PRRC2B: variants seen among roughly 807,000 people sequenced by gnomAD.
PRRC2B encodes the protein protein PRRC2B.
PRRC2B carries 68 observed loss-of-function variants against 242.3 expected under a neutral mutation model. The ratio of observed to expected loss-of-function variants is 0.28; its 90% CI spans 0.23 to 0.34. The LOEUF (loss-of-function observed/expected upper bound fraction) is 0.34, where lower values mean the gene tolerates loss of function less well. Among genes scored for constraint, PRRC2B ranks in the 10% least tolerant of loss-of-function variants. The probability of loss-of-function intolerance (pLI) is 1.00; values close to 1 mark genes in which losing one functional copy is unlikely to be tolerated. For synonymous variants in PRRC2B, 1,228 were observed against 1,173.6 expected (o/e 1.05, Z -0.95); for missense variants, 2,835 against 2,954.8 (o/e 0.96, Z 0.94).
chr9:131,422,117 T>A (rs1459859492), intron 1 of PRRC2B, among the ~76,000 whole-genome samples: 4 of 152,246 alleles, frequency 2.6e-5, no homozygotes, highest in African/African-American at 9.6e-5. Context: ...TGCAGTGGCA[T>A]GATCTTGGCT....
chr9:131,383,619 T>TG lies in PRRC2B; in HGVS notation c.-56+9889dup, dbSNP rs1491264499. Among the ~76,000 whole-genome samples, 6 of 139,920 alleles carry TG rather than the reference T, an allele frequency of 4.3e-5. No individual in the cohort carries two copies. In the East Asian group the frequency reaches 1.2e-3, roughly 28 times the overall value. 91.8% of individuals were successfully genotyped at this position (139,920 alleles called of 152,430 possible). A position where few individuals can be genotyped will look rare whatever the true frequency, so the allele number is the denominator to read the frequency against. On this transcript the variant is annotated intron_variant, in intron 1 of 1. Transcript: ENST00000682525. ...GTTTCTCTTTTTTTTTTTTTTTTTTTGAGACAGAGTCTCGCCCTGTCACCC... is the reference window on the plus strand; with the variant it reads ...GTTTCTCTTTTTTTTTTTTTTTTTTTGGAGACAGAGTCTCGCCCTGTCACCC...
At position 131,474,601 on chromosome 9, in the gene PRRC2B, A is replaced by C; in HGVS notation, c.2472A>C (p.Arg824Ser). The C allele has an allele frequency of 6.2e-7, 1 of 1,614,050 alleles. No individual in the cohort carries two copies. Among genetic ancestry groups the C allele is most frequent in the Admixed American group, 1.7e-5 (1 of 60,030 alleles). Residue 824 changes from arginine (R) to serine (S), a missense_variant, in exon 16 of 32, where the codon AGA (arginine) becomes AGC (serine). By Grantham distance (110) the Arg-to-Ser change is moderately radical. Around this residue, in one of 7 missense-constraint regions of PRRC2B, gnomAD observed 1,536 missense variants for 1,483.1 expected, o/e 1.04. Transcript: ENST00000683519. Reference protein sequence around the residue: ...ADFDSCISSQRIGQELLFPPQ... With the variant: ...ADFDSCISSQSIGQELLFPPQ... Reference sequence around the variant, plus strand: ...TTGACAGCTGTATCTCTTCTCAAAGAATAGGCCAGGAGCTTTTGTTTCCAC... The same window carrying C: ...TTGACAGCTGTATCTCTTCTCAAAGCATAGGCCAGGAGCTTTTGTTTCCAC...
chr9:131,446,355 T>TC lies in PRRC2B; in HGVS notation c.614-41dup. 1 of 1,606,132 alleles carries TC rather than the reference T, an allele frequency of 6.2e-7. No homozygotes were observed. Among genetic ancestry groups the TC allele is most frequent in the Non-Finnish European group, 8.5e-7 (1 of 1,176,042 alleles). Reference sequence around the variant, plus strand: ...TTCAGAACCTCATACGATCCCTCCTTCCCCCTCCTCTTCCCTCTCCCCTTT... The same window carrying TC: ...TTCAGAACCTCATACGATCCCTCCTTCCCCCCTCCTCTTCCCTCTCCCCTTT... On this transcript the variant is annotated intron_variant, in intron 6 of 31. Coordinates refer to ENST00000683519, the MANE Select transcript of PRRC2B (RefSeq NM_013318.4). This position sits in a 1 kb window ranked among gnomAD's most constrained non-coding sequence, Gnocchi z 4.1.
upstream of PRRC2B, among the ~76,000 whole-genome samples, chr9:131,389,915 G>GTTTTTTTTTTTTTTTTTTTTTTTTTT (rs1291046977): frequency 2.1e-5 from 2 of 93,446 alleles, no homozygotes; most frequent in African/African-American, 3.7e-5. Flanking sequence ...GAACATGGTT[G>GTTTTTTTTTTTTTTTTTTTTTTTTTT]TTTTTTTTTT....
chr9:131,429,702 C>T (rs1838071789), intron 1 of PRRC2B, among the ~76,000 whole-genome samples: 1 of 152,148 alleles, frequency 6.6e-6, no homozygotes, highest in African/African-American at 2.4e-5. Context: ...CAGTGTTATA[C>T]ATGGATGTGT....
chr9:131,376,330 G>C (rs1052671915), intron 1 of PRRC2B, among the ~76,000 whole-genome samples: 13 of 150,124 alleles, frequency 8.7e-5, no homozygotes, highest in Admixed American at 7.4e-4. Flanking sequence ...CTCCAGCCTG[G>C]GTGACAGAGT....
chr9:131,383,684 C>T (rs1217692947), intron 1 of PRRC2B, among the ~76,000 whole-genome samples: 26 of 146,974 alleles, frequency 1.8e-4, no homozygotes, highest in East Asian at 8.1e-4. Context: ...TGCAGCGGCT[C>T]GATCTCGGCT....
intron 1 of PRRC2B, among the ~76,000 whole-genome samples, chr9:131,412,937 G>T (rs1837543621): frequency 6.6e-6 from 1 of 151,824 alleles, no homozygotes; most frequent in Non-Finnish European, 1.5e-5. Context: ...GGGATTATAG[G>T]TGTAAAAAGT....
chr9:131,390,192 C>T (rs1210377735), upstream of PRRC2B, among the ~76,000 whole-genome samples: 4 of 150,164 alleles, frequency 2.7e-5, no homozygotes, highest in South Asian at 2.1e-4. Flanking sequence ...GGATTACAGG[C>T]GTGAGCCACT....
chr9:131,436,274 A>AG (rs935075712), intron 3 of PRRC2B, among the ~76,000 whole-genome samples: 6 of 152,142 alleles, frequency 3.9e-5, no homozygotes, highest in African/African-American at 1.4e-4. Context: ...CCGAGATGAG[A>AG]GGATTGCTTG....
intron 9 of PRRC2B, among the ~76,000 whole-genome samples, chr9:131,448,880 T>TCA (rs1191703852): frequency 6.6e-6 from 1 of 152,192 alleles, no homozygotes; most frequent in Non-Finnish European, 1.5e-5. Flanking sequence ...TACGTGTATA[T>TCA]CACACACATC....
chr9:131,413,803 C>T (rs1477824409), intron 1 of PRRC2B, among the ~76,000 whole-genome samples: 4 of 152,194 alleles, frequency 2.6e-5, no homozygotes, highest in African/African-American at 4.8e-5. Context: ...TCCCGAGTAC[C>T]TGGGACTATA....
Position 131,499,025 on chromosome 9 carries a change from C to T in PRRC2B, c.*3151C>T, listed in dbSNP as rs1944401602. The T allele has an allele frequency of 6.6e-6, 1 of 152,138 alleles. No homozygotes were observed. Among genetic ancestry groups the T allele is most frequent in the East Asian group, 1.9e-4 (1 of 5,196 alleles). The allele number at this position is 152,138 out of a possible 1,614,324, so 9.4% of individuals were successfully genotyped here. On this transcript the variant is annotated 3_prime_UTR_variant, in exon 32 of 32. Coordinates refer to ENST00000683519, the MANE Select transcript of PRRC2B (RefSeq NM_013318.4). ...TGTTTTCAAACTTGGAATTCATAGACACTCTGGCTCTAGGTTCCTTAAGGG... is the reference window on the plus strand; with the variant it reads ...TGTTTTCAAACTTGGAATTCATAGATACTCTGGCTCTAGGTTCCTTAAGGG...
chr9:131,395,816 G>T (rs1837036469), intron 1 of PRRC2B, among the ~76,000 whole-genome samples: 1 of 152,210 alleles, frequency 6.6e-6, no homozygotes, highest in South Asian at 2.1e-4. Context: ...GTAGCATTTG[G>T]AGGTCTCTAG....
At chr9:131,392,098 T>C (rs962222691), upstream of PRRC2B, among the ~76,000 whole-genome samples, 4 of 149,460 alleles carry the variant, frequency 2.7e-5, no homozygotes, top group African/African-American at 9.9e-5. Flanking sequence ...TTGTTTATTT[T>C]CTTTCTTTTT....
At chr9:131,404,085 T>A (rs1256937953) in intron 1 of PRRC2B, among the ~76,000 whole-genome samples, 1 of 152,188 alleles carries the variant, frequency 6.6e-6, no homozygotes, top group Non-Finnish European at 1.5e-5. Context: ...CCAGCCATTT[T>A]TCCATATTCA....
chr9:131,495,396 G>T (rs750864928), intron 31 of PRRC2B, among the ~76,000 whole-genome samples: 1 of 152,180 alleles, frequency 6.6e-6, no homozygotes, highest in African/African-American at 2.4e-5. Context: ...TGCCTGTGGG[G>T]CAGGAGGTGC....
At chr9:131,416,551 C>A (rs188649962) in intron 1 of PRRC2B, among the ~76,000 whole-genome samples, 1 of 152,138 alleles carries the variant, frequency 6.6e-6, no homozygotes, top group Admixed American at 6.5e-5. Flanking sequence ...AACTAATGAA[C>A]CAGTATTGAT....
intron 4 of PRRC2B, among the ~76,000 whole-genome samples, chr9:131,437,400 G>T (rs573049481): frequency 1.3e-5 from 2 of 152,338 alleles, no homozygotes; most frequent in African/African-American, 4.8e-5. Context: ...CCAAGCAAGA[G>T]CTCATAACAC....
Sources: allele counts gnomAD v4.1 joint callset (sites outside exome capture counted in the v4.1 genomes callset), GRCh38; gene constraint gnomAD v4.1.1; regional missense constraint gnomAD v4.1.1; non-coding constraint Gnocchi (gnomAD v3.1); transcripts MANE v1.5; gene names NCBI Gene and HGNC (gene_info 2026-07-23, HGNC 2026-07-21).